TMEM74: variants seen among roughly 807,000 people sequenced by gnomAD.
The protein encoded by TMEM74 is transmembrane protein 74.
A neutral mutation model predicts 18.1 loss-of-function variants in TMEM74; 13 were observed. The observed-to-expected ratio is 0.72, with a 90% CI of 0.47 to 1.14. TMEM74 has a LOEUF of 1.14. TMEM74 is among the 50% of genes most tolerant of loss of function. The probability of loss-of-function intolerance (pLI) is 0.00; values close to 1 mark genes in which losing one functional copy is unlikely to be tolerated. For synonymous variants in TMEM74, 159 were observed against 146.6 expected (o/e 1.08, Z -0.61); for missense variants, 372 against 375.9 (o/e 0.99, Z 0.09).
chr8:108,715,011 A>G (rs554068204), intron 1 of TMEM74, among the ~76,000 whole-genome samples: 5 of 151,772 alleles, frequency 3.3e-5, no homozygotes, highest in Admixed American at 3.3e-4. Context: ...CATAAACACA[A>G]CTCCGATATT....
chr8:108,692,661 AAAC>A (rs1388742523), intron 1 of TMEM74, among the ~76,000 whole-genome samples: 1 of 152,166 alleles, frequency 6.6e-6, no homozygotes, highest in African/African-American at 2.4e-5. Context: ...TAAAATGTTA[AAAC>A]TGAGCTTATA....
At chr8:108,787,402 C>G (rs961396242) in intron 1 of TMEM74, 74 bp downstream of exon 1, 1 of 152,344 alleles carries the variant, frequency 6.6e-6, no homozygotes, top group African/African-American at 2.4e-5. Context: ...GATATGCGCT[C>G]CAGCTCTGCT....
intron 1 of TMEM74, among the ~76,000 whole-genome samples, chr8:108,665,979 T>A (rs1812945356): frequency 6.6e-6 from 1 of 152,198 alleles, no homozygotes; most frequent in African/African-American, 2.4e-5. Context: ...TATTTTGATT[T>A]ACTTACATTG....
At chr8:108,749,747 A>G (rs1230939862) in intron 1 of TMEM74, among the ~76,000 whole-genome samples, 1 of 152,038 alleles carries the variant, frequency 6.6e-6, no homozygotes, top group Non-Finnish European at 1.5e-5. Context: ...GAGGAATGAG[A>G]AGCACACTTC....
At chr8:108,616,506 ATT>A (rs1486958171) in intron 2 of TMEM74, among the ~76,000 whole-genome samples, 2 of 152,128 alleles carry the variant, frequency 1.3e-5, no homozygotes, top group African/African-American at 2.4e-5. Flanking sequence ...GTTGGGAGAG[ATT>A]TTTTTAAATA....
intron 1 of TMEM74, among the ~76,000 whole-genome samples, chr8:108,694,566 G>A (rs576188987): frequency 3.2e-4 from 48 of 152,280 alleles, no homozygotes; most frequent in African/African-American, 1.1e-3. Flanking sequence ...TGTAGGAGCT[G>A]CACCTTATTC....
At chr8:108,636,443 GA>G in intron 2 of TMEM74, among the ~76,000 whole-genome samples, 1 of 152,130 alleles carries the variant, frequency 6.6e-6, no homozygotes, top group Admixed American at 6.6e-5. Context: ...TTAGCAGAAG[GA>G]AAAGAGTGAG....
chr8:108,619,506 G>A (rs950877095), intron 2 of TMEM74, among the ~76,000 whole-genome samples: 1 of 152,218 alleles, frequency 6.6e-6, no homozygotes, highest in Non-Finnish European at 1.5e-5. Context: ...GTGACAGGCT[G>A]TGCAGCAAGC....
intron 1 of TMEM74, among the ~76,000 whole-genome samples, chr8:108,687,639 G>T (rs190646369): frequency 4.4e-4 from 67 of 152,102 alleles, no homozygotes; most frequent in African/African-American, 1.6e-3. Context: ...TCCCATCTTG[G>T]TCTGATGGGA....
chr8:108,691,273 C>T (rs1369520690), intron 1 of TMEM74, among the ~76,000 whole-genome samples: 2 of 152,106 alleles, frequency 1.3e-5, no homozygotes, highest in African/African-American at 2.4e-5. Flanking sequence ...GAACCTGCCC[C>T]GTATGATGAA....
chr8:108,782,787 A>C lies in TMEM74; in HGVS notation c.*1394T>G, dbSNP rs967664909. 2.6e-5 allele frequency among the ~76,000 whole-genome samples: 4 copies of C among 152,208 alleles called. No homozygotes were observed. Among genetic ancestry groups the C allele is most frequent in the African/African-American group, 9.7e-5 (4 of 41,448 alleles). Reference sequence around the variant, plus strand: ...CTGATCCTGGTAACACAATCATGGAAGTTACAACAACTCTTAGAGCACAGG... The same window carrying C: ...CTGATCCTGGTAACACAATCATGGACGTTACAACAACTCTTAGAGCACAGG... On this transcript the variant is annotated 3_prime_UTR_variant, in exon 2 of 2. Coordinates refer to ENST00000297459, the MANE Select transcript of TMEM74 (RefSeq NM_153015.3).
intron 1 of TMEM74, among the ~76,000 whole-genome samples, chr8:108,711,505 A>G (rs1490601125): frequency 3.9e-5 from 6 of 152,174 alleles, no homozygotes; most frequent in Admixed American, 6.5e-5. Flanking sequence ...TTGGTTTGAG[A>G]GCAAGCATTG....
At chr8:108,737,179 G>A (rs1308226915) in intron 1 of TMEM74, among the ~76,000 whole-genome samples, 1 of 152,086 alleles carries the variant, frequency 6.6e-6, no homozygotes, top group Admixed American at 6.5e-5. Flanking sequence ...TACTTATTAT[G>A]TATGGACTCC....
chr8:108,614,209 G>C (rs1812361703), intron 2 of TMEM74, among the ~76,000 whole-genome samples: 1 of 152,014 alleles, frequency 6.6e-6, no homozygotes, highest in Non-Finnish European at 1.5e-5. Flanking sequence ...AACAATTTCA[G>C]TTCAACATAT....
chr8:108,689,167 T>G (rs1488971863), intron 1 of TMEM74, among the ~76,000 whole-genome samples: 2 of 152,228 alleles, frequency 1.3e-5, no homozygotes, highest in Non-Finnish European at 1.5e-5. Flanking sequence ...TGATAAGTCC[T>G]GCATTGGAAA....
intron 1 of TMEM74, among the ~76,000 whole-genome samples, chr8:108,740,666 A>C (rs922380294): frequency 6.6e-6 from 1 of 152,100 alleles, no homozygotes; most frequent in African/African-American, 2.4e-5. Flanking sequence ...AAACTTTCCC[A>C]TTATTATTAC....
chr8:108,612,596 CTA>C (rs1438474279), intron 2 of TMEM74, among the ~76,000 whole-genome samples: 5 of 152,158 alleles, frequency 3.3e-5, no homozygotes, highest in African/African-American at 1.2e-4. Context: ...CTGGTGGACT[CTA>C]TGATGCATTA....
chr8:108,667,964 G>A (rs1045305630), intron 1 of TMEM74, among the ~76,000 whole-genome samples: 1 of 152,122 alleles, frequency 6.6e-6, no homozygotes, highest in African/African-American at 2.4e-5. Context: ...TCCTGTAGTG[G>A]AATAACTCTT....
At chr8:108,675,634 A>G (rs983879358) in intron 1 of TMEM74, among the ~76,000 whole-genome samples, 2 of 152,376 alleles carry the variant, frequency 1.3e-5, no homozygotes, top group East Asian at 3.9e-4. Context: ...CAAGGGAATT[A>G]AATAGAAAAA....
Sources: gnomAD v4.1 joint callset for allele counts (sites outside exome capture counted in the v4.1 genomes callset) on GRCh38, gnomAD v4.1.1 for gene constraint, MANE v1.5 for transcripts, NCBI Gene and HGNC (gene_info 2026-07-23, HGNC 2026-07-21) for gene names.